The following FGGY variants were observed in gnomAD, a reference collection of about 807,000 sequenced individuals.
FGGY encodes the protein FGGY carbohydrate kinase domain-containing protein.
FGGY carries 72 observed loss-of-function variants against 71.3 expected under a neutral mutation model. The observed-to-expected ratio is 1.01, with a 90% confidence interval of 0.84 to 1.23. The LOEUF (loss-of-function observed/expected upper bound fraction) is 1.23, where lower values mean the gene tolerates loss of function less well. FGGY is among the 50% of genes most tolerant of loss of function. The pLI is 0.00. For synonymous variants in FGGY, 251 were observed against 250.3 expected (o/e 1.00, Z -0.02); for missense variants, 668 against 682.3 (o/e 0.98, Z 0.23).
chr1:59,467,723 C>T (rs917291472), intron 6 of FGGY, among the ~76,000 whole-genome samples: 1 of 152,154 alleles, frequency 6.6e-6, no homozygotes, highest in Non-Finnish European at 1.5e-5. Context: ...AAATGGATTT[C>T]CTCCATCCCT....
intron 8 of FGGY, among the ~76,000 whole-genome samples, chr1:59,592,146 A>G (rs915863917): frequency 1.3e-5 from 2 of 152,340 alleles, no homozygotes; most frequent in African/African-American, 4.8e-5. Context: ...ACACTTCTCA[A>G]AAGAAGACAT....
intron 15 of FGGY, among the ~76,000 whole-genome samples, chr1:59,758,752 A>G (rs746117771): frequency 6.6e-6 from 1 of 152,228 alleles, no homozygotes; most frequent in Non-Finnish European, 1.5e-5. Flanking sequence ...ACTATAAACA[A>G]CTCATAATCC....
At chr1:59,730,093 G>C (rs967342633) in intron 14 of FGGY, among the ~76,000 whole-genome samples, 1 of 152,056 alleles carries the variant, frequency 6.6e-6, no homozygotes, top group Non-Finnish European at 1.5e-5. Context: ...GGAGTTGCTC[G>C]CTTTCCTATT....
intron 1 of FGGY, chr1:59,318,661 C>T (rs1479947719): frequency 1.3e-5 from 2 of 152,408 alleles, no homozygotes; most frequent in Admixed American, 1.3e-4. Context: ...TCTGTCTTGT[C>T]ATCGGGGCTG....
intron 14 of FGGY, among the ~76,000 whole-genome samples, chr1:59,694,704 T>TA (rs1224283017): frequency 6.6e-6 from 1 of 152,024 alleles, no homozygotes; most frequent in African/African-American, 2.4e-5. Context: ...TTTTTTTTTT[T>TA]TTAAAGAGAT....
intron 6 of FGGY, among the ~76,000 whole-genome samples, chr1:59,501,715 C>G (rs867480526): frequency 2.0e-5 from 3 of 152,196 alleles, no homozygotes; most frequent in Non-Finnish European, 4.4e-5. Context: ...TGAAGGCATG[C>G]CGTGGAGACA....
In FGGY at chr1:59,757,878, G is replaced by A. The variant is rs544235652; in HGVS notation, c.1513-53G>A. 7.5e-6 allele frequency: 10 copies of A among 1,325,860 alleles called. No homozygotes were observed. In the East Asian group the frequency reaches 1.4e-4, roughly 18 times the overall value. 82.1% of individuals were successfully genotyped at this position (1,325,860 alleles called of 1,614,324 possible). A position where few individuals can be genotyped will look rare whatever the true frequency, so the allele number is the denominator to read the frequency against. On this transcript the variant is annotated intron_variant, in intron 14 of 15. Coordinates refer to ENST00000303721, the MANE Select transcript of FGGY (RefSeq NM_018291.5). ...GAATGTTTTGCCTGTGACAAGCCTC[G>A]CTTTGGATTTCGCTTTCCAACTCAG...
intron 5 of FGGY, among the ~76,000 whole-genome samples, chr1:59,446,617 A>G (rs1169067217): frequency 6.6e-6 from 1 of 152,148 alleles, no homozygotes; most frequent in Non-Finnish European, 1.5e-5. Context: ...TCTCCCAATG[A>G]GCTGTATCTT....
chr1:59,627,485 T>TAC (rs1437472375), intron 10 of FGGY, among the ~76,000 whole-genome samples: 1 of 113,928 alleles, frequency 8.8e-6, no homozygotes, highest in African/African-American at 4.4e-5. Context: ...TATATATATA[T>TAC]ATATACACAC....
chr1:59,391,252 C>A (rs1398895722), intron 5 of FGGY, among the ~76,000 whole-genome samples: 4 of 152,058 alleles, frequency 2.6e-5, no homozygotes, highest in African/African-American at 9.7e-5. Context: ...GGTAGGTGCC[C>A]AGGAGATTTC....
At chr1:59,297,079 T>A (rs1347682263), upstream of FGGY, 1 of 153,188 alleles carries the variant, frequency 6.5e-6, no homozygotes, top group Non-Finnish European at 1.5e-5. Flanking sequence ...TTCCTCCTCC[T>A]GGCCGCTTAG....
chr1:59,757,884 G>T (rs776971934), intron 14 of FGGY, 47 bp from the exon 15 acceptor site: 1 of 1,419,924 alleles, frequency 7.0e-7, no homozygotes, highest in African/African-American at 1.4e-5. Context: ...CCTCGCTTTG[G>T]ATTTCGCTTT....
intron 8 of FGGY, among the ~76,000 whole-genome samples, chr1:59,602,559 A>G (rs1212378555): frequency 6.6e-6 from 1 of 152,224 alleles, no homozygotes; most frequent in African/African-American, 2.4e-5. Context: ...CCTTCAAACC[A>G]TGCGATCTTT....
chr1:59,382,567 G>A (rs2059595483), intron 5 of FGGY, among the ~76,000 whole-genome samples: 1 of 152,168 alleles, frequency 6.6e-6, no homozygotes, highest in South Asian at 2.1e-4. Context: ...TGTAGGTGAG[G>A]ATATCATCTT....
rs79556945 is a variant in FGGY at position 59,540,960 on chromosome 1, G to A, written c.800-13164G>A. ...CCCACCTTGCTATACTCATAATCAT[G>A]AGTAATCAAGTAAGGGAAAAATTAT... On this transcript the variant is annotated intron_variant, in intron 7 of 15. Coordinates refer to ENST00000303721, the MANE Select transcript of FGGY (RefSeq NM_018291.5). 2.2e-3 allele frequency among the ~76,000 whole-genome samples: 332 copies of A among 152,262 alleles called. 1 individual carries two copies. The highest frequency in any genetic ancestry group is 7.7e-3 in the African/African-American group (322 of 41,560).
intron 9 of FGGY, among the ~76,000 whole-genome samples, chr1:59,615,205 C>G (rs1449355360): frequency 1.3e-5 from 2 of 152,042 alleles, no homozygotes; most frequent in East Asian, 3.9e-4. Context: ...AATCCTAAGC[C>G]AAAAGAACAA....
chr1:59,649,302 T>C (rs1229039747), intron 11 of FGGY, among the ~76,000 whole-genome samples: 4 of 144,370 alleles, frequency 2.8e-5, no homozygotes, highest in African/African-American at 1.1e-4. Flanking sequence ...CTTTGGTAGC[T>C]TGATGGGGAT....
intron 8 of FGGY, among the ~76,000 whole-genome samples, chr1:59,568,284 G>T (rs1194289318): frequency 6.6e-6 from 1 of 152,118 alleles, no homozygotes; most frequent in Non-Finnish European, 1.5e-5. Flanking sequence ...ACCTGTACTT[G>T]CTTTTCTTGA....
At chr1:59,512,582 G>A in intron 7 of FGGY, 143 bp downstream of exon 7, 1 of 724,604 alleles carries the variant, frequency 1.4e-6, no homozygotes, top group Non-Finnish European at 2.0e-6. Flanking sequence ...CCTTTTTACA[G>A]CTAGGCATTT....
Sources: allele counts gnomAD v4.1 joint callset (sites outside exome capture counted in the v4.1 genomes callset), GRCh38; gene constraint gnomAD v4.1.1; transcripts MANE v1.5; gene names NCBI Gene and HGNC (gene_info 2026-07-23, HGNC 2026-07-21).